SEMA4C: variants seen among roughly 807,000 people sequenced by gnomAD.
The protein encoded by SEMA4C is semaphorin 4C, also known as semaphorin-4C.
A neutral mutation model predicts 89.0 loss-of-function variants in SEMA4C; 19 were observed. The observed-to-expected ratio is 0.21, with a 90% confidence interval of 0.15 to 0.31. The LOEUF is 0.31. SEMA4C is among the 10% of genes least tolerant of loss of function. The pLI is 1.00. For missense variants in SEMA4C, 811 were observed against 1,107.0 expected (o/e 0.73, Z 3.79); for synonymous variants, 428 against 472.7 (o/e 0.91, Z 1.23).
At position 96,861,479 on chromosome 2, in the gene SEMA4C, T is replaced by C. The variant is rs200281818; in HGVS notation, c.1673-24A>G. 1,191 of 1,610,808 alleles carry C rather than the reference T, an allele frequency of 7.4e-4. 8 individuals are homozygous for C. Among genetic ancestry groups the C allele is most frequent in the East Asian group, 2.6e-3 (118 of 44,782 alleles). On this transcript the variant is annotated intron_variant, in intron 14 of 14. Transcript: ENST00000305476. This position sits in a 1 kb window ranked among gnomAD's most constrained non-coding sequence, Gnocchi z 7.8. ...GACTGTAGTGGCAGAGAAAACAGAGTGCATGTTAGTGCAGGAAAGCAGGGC... is the reference window on the plus strand; with the variant it reads ...GACTGTAGTGGCAGAGAAAACAGAGCGCATGTTAGTGCAGGAAAGCAGGGC...
At position 96,860,463 on chromosome 2, in the gene SEMA4C, T is replaced by A. The variant is rs562438771; in HGVS notation, c.*163A>T. 4.6e-4 allele frequency: 273 copies of A among 591,122 alleles called. No homozygotes were observed. The highest frequency in any genetic ancestry group is 7.1e-4 in the Non-Finnish European group (250 of 354,204). 36.6% of individuals were successfully genotyped at this position (591,122 alleles called of 1,614,324 possible). On this transcript the variant is annotated 3_prime_UTR_variant, in exon 15 of 15. Transcript: ENST00000305476. ...CCTGGTGAGCCACACCAAGTGGCAG[T>A]GCCCGTGCTGAGCAGAGCAGGTCCT...
chr2:96,863,993 G>A lies in SEMA4C; in HGVS notation c.1263C>T (p.Thr421=). The change falls in exon 11 of 15, where the codon ACC becomes ACT. Residue 421 remains threonine (T), a synonymous_variant. Transcript: ENST00000305476. ...PLLVKKGTNF[T]HLVADRVTGL... ...CTGTAACCCGGTCGGCCACCAGGTG[G>A]GTGAAGTTGGTGCCCTTCTTCACGA... 6.2e-7 allele frequency: 1 copy of A among 1,613,536 alleles called. No homozygotes were observed. The highest frequency in any genetic ancestry group is 8.5e-7 in the Non-Finnish European group (1 of 1,179,994).
chr2:96,868,874 C>T, intron 1 of SEMA4C: 1 of 985,338 alleles, frequency 1.0e-6, no homozygotes, highest in Non-Finnish European at 1.2e-6. Flanking sequence ...CCCCAGGGAC[C>T]CTGGCCTGGG....
rs752965547 is a variant in SEMA4C, at chr2:96,864,114, G to A, written c.1142C>T (p.Thr381Ile). The change falls in exon 11 of 15, where the codon ACC becomes ATC. Residue 381 changes from threonine (T) to isoleucine (I), a missense_variant. Physicochemically the swap from Thr to Ile is moderately conservative, Grantham distance 89. Transcript: ENST00000305476. This position sits in a 1 kb window ranked among gnomAD's most constrained non-coding sequence, Gnocchi z 6.3. ...INNWHRRHGYTSSLELPDNIL... is the reference protein window; with the variant it reads ...INNWHRRHGYISSLELPDNIL... The stretch of plus-strand genomic sequence containing the variant: ...GTTGTCGGGTAGCTCCAGGGAGCTG[G>A]TGTAGCCGTGGCGCCGATGCCAGTT... 11 of 1,612,856 alleles carry A rather than the reference G, an allele frequency of 6.8e-6. No individual in the cohort carries two copies. Among genetic ancestry groups the A allele is most frequent in the East Asian group, 2.2e-5 (1 of 44,864 alleles).
rs1390229303 is a variant in SEMA4C at position 96,863,989 on chromosome 2, G to A, written c.1267C>T (p.Leu423=). 6.2e-7 allele frequency: 1 copy of A among 1,613,590 alleles called. No homozygotes were observed. The highest frequency in any genetic ancestry group is 1.7e-5 in the Admixed American group (1 of 60,026). Reference sequence around the variant, plus strand: ...AGTCCTGTAACCCGGTCGGCCACCAGGTGGGTGAAGTTGGTGCCCTTCTTC... The same window carrying A: ...AGTCCTGTAACCCGGTCGGCCACCAAGTGGGTGAAGTTGGTGCCCTTCTTC... ...LVKKGTNFTH[L]VADRVTGLDG... Residue 423 remains leucine (L), a synonymous_variant, in exon 11 of 15, where the codon CTG becomes TTG. Transcript: ENST00000305476.
In SEMA4C at chr2:96,869,998, C is replaced by T. The variant is rs1469016083; in HGVS notation, c.-160G>A. 3.0e-6 allele frequency: 3 copies of T among 985,874 alleles called. No homozygotes were observed. In the African/African-American group the frequency reaches 5.3e-5, roughly 17 times the overall value. 61.1% of individuals were successfully genotyped at this position (985,874 alleles called of 1,614,324 possible). On this transcript the variant is annotated 5_prime_UTR_variant, in exon 1 of 15. Transcript: ENST00000305476. Reference sequence around the variant, plus strand: ...CGCCAGCCCTCCGCGGCCTCTCTGCCACCGCCCCTCCGTCCCCGCCCGGCT... The same window carrying T: ...CGCCAGCCCTCCGCGGCCTCTCTGCTACCGCCCCTCCGTCCCCGCCCGGCT...
upstream of SEMA4C, chr2:96,870,511 G>T: frequency 1.0e-6 from 1 of 979,840 alleles, no homozygotes; most frequent in Non-Finnish European, 1.2e-6. Flanking sequence ...CACGCTGGGG[G>T]AACCGAGGCG....
rs895325298 is a variant in SEMA4C, at chr2:96,863,272, C to T, written c.1443+410G>A. The T allele has an allele frequency of 2.9e-5, 29 of 1,015,572 alleles. 1 individual carries two copies. The East Asian group carries it at 3.8e-4, about 13-fold the overall frequency. 62.9% of individuals were successfully genotyped at this position (1,015,572 alleles called of 1,614,324 possible). On this transcript the variant is annotated intron_variant, in intron 12 of 14. Transcript: ENST00000305476. The stretch of plus-strand genomic sequence containing the variant: ...TGCAAGCACTTCAGGGAAACAGTCA[C>T]GGAAATGGGGGCTGGAAGGAAAACC...
chr2:96,865,329 GAC>G lies in SEMA4C; in HGVS notation c.518-11_518-10del. ...CGAGTACAGCTCACCATCTATGGGA[GAC>G]AGAGGTCAGCTAGGCCACACATGAG... On this transcript the variant is annotated splice_polypyrimidine_tract_variant and intron_variant, in intron 6 of 14. Coordinates refer to ENST00000305476, the MANE Select transcript of SEMA4C (RefSeq NM_017789.5). 1 of 1,613,938 alleles carries G rather than the reference GAC, an allele frequency of 6.2e-7. No individual in the cohort carries two copies. The highest frequency in any genetic ancestry group is 8.5e-7 in the Non-Finnish European group (1 of 1,179,818).
In SEMA4C at chr2:96,864,311, T is replaced by C; in HGVS notation, c.1034A>G (p.Tyr345Cys). 6.2e-7 allele frequency: 1 copy of C among 1,614,022 alleles called. No homozygotes were observed. ...EEIQRVFEGP[Y>C]KEYHEEAQKW... ...CTGGGCTTCCTCATGGTACTCCTTA[T>C]AGGGGCCCTCAAACACCCGCTGGAT... The change falls in exon 10 of 15, where the codon TAT becomes TGT. Residue 345 changes from tyrosine (Y) to cysteine (C), a missense_variant. Tyr to Cys is a radical substitution (Grantham distance 194). This residue lies in a region of SEMA4C where 441 missense variants were observed against 664.9 expected (regional missense o/e 0.66). Transcript: ENST00000305476. The surrounding 1 kb of genome is among the most constrained non-coding windows in gnomAD (Gnocchi z 6.3).
In SEMA4C at chr2:96,861,068, C is replaced by T. The variant is rs768689685; in HGVS notation, c.2060G>A (p.Arg687His). Residue 687 changes from arginine (R) to histidine (H), a missense_variant, in exon 15 of 15, where the codon CGC becomes CAC. Arg to His is a conservative substitution (Grantham distance 29, BLOSUM62 0). Coordinates refer to ENST00000305476, the MANE Select transcript of SEMA4C (RefSeq NM_017789.5). The surrounding 1 kb of genome is among the most constrained non-coding windows in gnomAD (Gnocchi z 7.8). ...LVLLLLVLSL[R>H]RRLREELEKG... ...CTCCAGCTCTTCCCGCAGCCGCCGG[C>T]GCAATGACAGCACCAGCAGCAGCAG... 4.5e-5 allele frequency: 72 copies of T among 1,612,676 alleles called. No homozygotes were observed. The highest frequency in any genetic ancestry group is 7.7e-5 in the South Asian group (7 of 91,088).
chr2:96,866,963 G>A (rs1663283557), intron 2 of SEMA4C: 1 of 271,540 alleles, frequency 3.7e-6, no homozygotes, highest in Non-Finnish European at 7.3e-6. Flanking sequence ...ATGGCAGGAG[G>A]GGAGCTGGGC....
Position 96,865,054 on chromosome 2 carries a change from G to A in SEMA4C, c.696C>T (p.Asp232=), listed in dbSNP as rs190080507. Residue 232 remains aspartate (D), a synonymous_variant, in exon 8 of 15, where the codon GAC becomes GAT. Transcript: ENST00000305476. ...CCCTGAAGAAGAAGTAGACCTTGTC[G>A]TCGTCCCCCGTGAAGCTGCCCACAC... The part of the protein sequence containing the change: ...PESVGSFTGD[D]DKVYFFFRER... The A allele has an allele frequency of 2.9e-4, 452 of 1,556,854 alleles. No individual in the cohort carries two copies. Among genetic ancestry groups the A allele is most frequent in the Non-Finnish European group, 3.6e-4 (413 of 1,149,940 alleles).
chr2:96,867,434 G>C lies in SEMA4C; in HGVS notation c.109+344C>G, dbSNP rs537246769. Reference sequence around the variant, plus strand: ...TGTACAGGGCAGTAGGAGGTCTTAGGGGGGCCTGGGGAGCCAGGGGAGAGA... The same window carrying C: ...TGTACAGGGCAGTAGGAGGTCTTAGCGGGGCCTGGGGAGCCAGGGGAGAGA... On this transcript the variant is annotated intron_variant, in intron 2 of 14. Transcript: ENST00000305476. Among the ~76,000 whole-genome samples the C allele has an allele frequency of 8.5e-5, 13 of 152,238 alleles. No homozygotes were observed. In the South Asian group the frequency reaches 2.1e-3, roughly 24 times the overall value.
intron 1 of SEMA4C, chr2:96,868,805 C>T (rs1169694019): frequency 1.0e-6 from 1 of 985,196 alleles, no homozygotes; most frequent in Non-Finnish European, 1.2e-6. Context: ...GCGCCGCGCA[C>T]GGCCGGCACC....
intron 1 of SEMA4C, chr2:96,869,151 C>A: frequency 1.0e-6 from 1 of 985,392 alleles, no homozygotes; most frequent in Non-Finnish European, 1.2e-6. Context: ...CAGACCAGCC[C>A]CCCAAAACGC....
chr2:96,870,204 C>T (rs2080173641), upstream of SEMA4C: 1 of 985,056 alleles, frequency 1.0e-6, no homozygotes, highest in Middle Eastern at 5.2e-4. Flanking sequence ...ACCTGTGGAC[C>T]CGCCCGCTCT....
At chr2:96,868,406 A>T in intron 1 of SEMA4C, 1 of 1,005,782 alleles carries the variant, frequency 9.9e-7, no homozygotes, top group Non-Finnish European at 1.2e-6. Context: ...GAAAGCCCCA[A>T]AGGGGAAACC....
intron 1 of SEMA4C, chr2:96,868,639 T>C (rs1388923294): frequency 1.0e-6 from 1 of 985,420 alleles, no homozygotes; most frequent in East Asian, 1.1e-4. Context: ...CCTCATCCTG[T>C]TCCTCGCACT....
Sources: allele counts gnomAD v4.1 joint callset (sites outside exome capture counted in the v4.1 genomes callset), GRCh38; gene constraint gnomAD v4.1.1; regional missense constraint gnomAD v4.1.1; non-coding constraint Gnocchi (gnomAD v3.1); transcripts MANE v1.5; gene names NCBI Gene and HGNC (gene_info 2026-07-23, HGNC 2026-07-21).